Variants in BICRAL observed in about 807,000 individuals in gnomAD.
BICRAL encodes BICRA like chromatin remodeling complex associated protein.
In BICRAL, 8 loss-of-function variants were observed where a neutral mutation model predicts 91.8. The ratio of observed to expected loss-of-function variants is 0.09; its 90% CI spans 0.05 to 0.16. The LOEUF (loss-of-function observed/expected upper bound fraction) is 0.16. Ranked by LOEUF, BICRAL falls within the 10% of genes least tolerant of loss-of-function variation. BICRAL has a pLI of 1.00. For missense variants in BICRAL, 1,038 were observed against 1,310.9 expected (o/e 0.79, Z 3.21); for synonymous variants, 445 against 491.1 (o/e 0.91, Z 1.24).
At chr6:42,795,360 G>A (rs754242600) in intron 1 of BICRAL, among the ~76,000 whole-genome samples, 5 of 152,202 alleles carry the variant, frequency 3.3e-5, no homozygotes, top group Non-Finnish European at 7.3e-5. Flanking sequence ...GAACCTGGGA[G>A]GTGGAGGTTG....
chr6:42,864,621 C>A (rs1335688659), intron 12 of BICRAL, 38 bp from the exon 13 acceptor site: 1 of 1,558,128 alleles, frequency 6.4e-7, no homozygotes, highest in Admixed American at 1.7e-5. Flanking sequence ...TGTCCTCTCC[C>A]AATCACTCAC....
chr6:42,748,733 G>GC (rs909620732), intron 1 of BICRAL, among the ~76,000 whole-genome samples: 1 of 152,198 alleles, frequency 6.6e-6, no homozygotes, highest in African/African-American at 2.4e-5. Flanking sequence ...GTTCTTTACA[G>GC]CCCCCCTGCA....
intron 1 of BICRAL, among the ~76,000 whole-genome samples, chr6:42,757,828 C>T (rs1236282292): frequency 6.6e-6 from 1 of 152,226 alleles, no homozygotes; most frequent in African/African-American, 2.4e-5. Context: ...GTGAAGCTGA[C>T]TTCCCCAGGC....
chr6:42,830,895 G>C (rs891406026), intron 6 of BICRAL, among the ~76,000 whole-genome samples: 2 of 152,218 alleles, frequency 1.3e-5, no homozygotes, highest in Non-Finnish European at 2.9e-5. Flanking sequence ...GGGATTACAG[G>C]CCACCACACC....
At chr6:42,799,423 T>G (rs1474054856) in intron 1 of BICRAL, among the ~76,000 whole-genome samples, 1 of 151,916 alleles carries the variant, frequency 6.6e-6, no homozygotes, top group Non-Finnish European at 1.5e-5. Flanking sequence ...CTCAGTCTCC[T>G]GGCTGGGACT....
chr6:42,778,870 T>A (rs921500158), upstream of BICRAL, among the ~76,000 whole-genome samples: 1 of 151,834 alleles, frequency 6.6e-6, no homozygotes, highest in Non-Finnish European at 1.5e-5. Context: ...CAGGCTGGAG[T>A]GCAATGGCGC....
chr6:42,807,430 G>A (rs113223475), intron 1 of BICRAL, among the ~76,000 whole-genome samples: 43,349 of 151,544 alleles, frequency 0.29, 6,789 homozygotes, highest in South Asian at 0.46. Flanking sequence ...TGATCCGTCC[G>A]TCTCAGCCTC....
rs201082606 is a variant in BICRAL at position 42,865,018 on chromosome 6, G to A, written c.2812G>A (p.Glu938Lys). 7.2e-5 allele frequency: 116 copies of A among 1,614,046 alleles called. No homozygotes were observed. The highest frequency in any genetic ancestry group is 9.1e-5 in the Non-Finnish European group (107 of 1,180,050). The change falls in exon 13 of 13, where the codon GAG (glutamate) becomes AAG (lysine). Residue 938 changes from glutamate (E) to lysine (K), a missense_variant. Glu to Lys is a moderately conservative substitution (Grantham distance 56, BLOSUM62 1). Around this residue, in one of 5 missense-constraint regions of BICRAL, gnomAD observed 294 missense variants for 292.6 expected, o/e 1.00. Transcript: ENST00000314073. The stretch of plus-strand genomic sequence containing the variant: ...GGCCAGTCAGTGCTCTCCCGGCCCT[G>A]AGGGGCACCGGAAAACCTCATCCAG... ...LKASQCSPGP[E>K]GHRKTSSRSD...
chr6:42,829,393 G>C lies in BICRAL; in HGVS notation c.1060G>C (p.Val354Leu). ...FASASSPQGSVVGPHMSVNIV... is the reference protein window; with the variant it reads ...FASASSPQGSLVGPHMSVNIV... Reference sequence around the variant, plus strand: ...TTCTGCAAGCTCACCCCAGGGCTCAGTAGTTGGTCCACACATGTCTGTGAA... The same window carrying C: ...TTCTGCAAGCTCACCCCAGGGCTCACTAGTTGGTCCACACATGTCTGTGAA... Residue 354 changes from valine to leucine, a missense_variant, in exon 6 of 13, where the codon GTA becomes CTA. Physicochemically the swap from Val to Leu is conservative, Grantham distance 32. Transcript: ENST00000314073. The C allele has an allele frequency of 6.2e-7, 1 of 1,614,198 alleles. No individual in the cohort carries two copies. Among genetic ancestry groups the C allele is most frequent in the South Asian group, 1.1e-5 (1 of 91,086 alleles).
At chr6:42,855,690 CTG>C (rs1317727332) in intron 8 of BICRAL, among the ~76,000 whole-genome samples, 164 bp from the exon 9 acceptor site, 2 of 151,416 alleles carry the variant, frequency 1.3e-5, no homozygotes, top group African/African-American at 4.9e-5. Context: ...TTCATGGACT[CTG>C]TGTACTGGTT....
At chr6:42,840,874 GACTAGC>G in intron 6 of BICRAL, among the ~76,000 whole-genome samples, 1 of 151,502 alleles carries the variant, frequency 6.6e-6, no homozygotes, top group East Asian at 2.0e-4. Context: ...AGGAGTTCAA[GACTAGC>G]GTGGCTAACA....
intron 6 of BICRAL, among the ~76,000 whole-genome samples, chr6:42,851,420 A>T (rs772773977): frequency 3.6e-4 from 55 of 152,326 alleles, no homozygotes; most frequent in Admixed American, 5.9e-4. Flanking sequence ...ACTAAAAGGA[A>T]CTTAGTTCTT....
intron 1 of BICRAL, among the ~76,000 whole-genome samples, chr6:42,798,755 C>T (rs1040895791): frequency 2.0e-5 from 3 of 152,192 alleles, no homozygotes; most frequent in Non-Finnish European, 4.4e-5. Flanking sequence ...CTCCCATATA[C>T]TTTAAATCAT....
At chr6:42,769,379 G>C (rs1159616612) in intron 1 of BICRAL, among the ~76,000 whole-genome samples, 1 of 152,176 alleles carries the variant, frequency 6.6e-6, no homozygotes, top group South Asian at 2.1e-4. Flanking sequence ...GCGATCCAGA[G>C]AGCACCCAAG....
chr6:42,821,515 C>T (rs1764136237), intron 2 of BICRAL, among the ~76,000 whole-genome samples: 1 of 152,158 alleles, frequency 6.6e-6, no homozygotes. Context: ...CCCCTCTTCT[C>T]TCTCTAAATG....
At chr6:42,864,602 T>C in intron 12 of BICRAL, 57 bp from the exon 13 acceptor site, 1 of 1,435,434 alleles carries the variant, frequency 7.0e-7, no homozygotes, top group Non-Finnish European at 9.6e-7. Context: ...GAAGTTCTGC[T>C]GTATAGTCTG....
At chr6:42,752,811 C>T (rs1185470978) in intron 1 of BICRAL, among the ~76,000 whole-genome samples, 1 of 151,938 alleles carries the variant, frequency 6.6e-6, no homozygotes, top group Non-Finnish European at 1.5e-5. Context: ...GCCATGTTGG[C>T]CAGCTAGTCT....
Position 42,856,029 on chromosome 6 carries a change from T to A in BICRAL, c.2108+112T>A, listed in dbSNP as rs907106677. On this transcript the variant is annotated intron_variant, in intron 9 of 12. Coordinates refer to ENST00000314073, the MANE Select transcript of BICRAL (RefSeq NM_001393499.1). ...ATAATAATGAGTATATTAGCCTTTT[T>A]AAAAATGTACTTTGAGGCAAGGCAT... 4.4e-5 allele frequency: 40 copies of A among 900,296 alleles called. No homozygotes were observed. The African/African-American group carries it at 6.4e-4, about 14-fold the overall frequency. The allele number at this position is 900,296 out of a possible 1,614,324, so 55.8% of individuals were successfully genotyped here.
chr6:42,863,328 G>A (rs901546703), intron 12 of BICRAL, among the ~76,000 whole-genome samples: 15 of 152,146 alleles, frequency 9.9e-5, no homozygotes, highest in East Asian at 3.8e-4. Flanking sequence ...GATTACAGGC[G>A]TGAGCCACCG....
Sources: gnomAD v4.1 joint callset for allele counts (sites outside exome capture counted in the v4.1 genomes callset) on GRCh38, gnomAD v4.1.1 for gene constraint, gnomAD v4.1.1 regional missense constraint, MANE v1.5 for transcripts, NCBI Gene and HGNC (gene_info 2026-07-23, HGNC 2026-07-21) for gene names.